Variants in COL5A2 observed in about 807,000 individuals in gnomAD.
COL5A2 encodes collagen type V alpha 2 chain.
COL5A2 carries 23 observed loss-of-function variants against 208.2 expected under a neutral mutation model. The observed-to-expected ratio is 0.11, with a 90% CI of 0.08 to 0.16. The LOEUF (loss-of-function observed/expected upper bound fraction) is 0.16. COL5A2 is among the 10% of genes least tolerant of loss of function. COL5A2 has a pLI of 1.00. For missense variants in COL5A2, 1,590 were observed against 1,956.4 expected (o/e 0.81, Z 3.53); for synonymous variants, 625 against 628.5 (o/e 0.99, Z 0.08).
the COL5A2 span, among the ~76,000 whole-genome samples, chr2:189,366,979 G>A: frequency 1.3e-5 from 2 of 152,142 alleles, no homozygotes; most frequent in Non-Finnish European, 2.9e-5. Context: ...AAGGCTGTAA[G>A]TGTTGGCAGA....
the COL5A2 span, among the ~76,000 whole-genome samples, chr2:189,415,275 A>G: frequency 6.3e-3 from 953 of 152,264 alleles, 11 homozygotes; most frequent in African/African-American, 0.021. Context: ...TAAATTTTCA[A>G]ATAGATAATT....
chr2:189,191,153 A>C (rs375141378), intron 1 of COL5A2, among the ~76,000 whole-genome samples: 8 of 53,380 alleles, frequency 1.5e-4, no homozygotes, highest in South Asian at 7.6e-4. Context: ...AAAAAAAAAC[A>C]AAAAACAAAC....
At chr2:189,084,170 G>A (rs1686599831) in intron 11 of COL5A2, 133 bp from the exon 12 acceptor site, 5 of 666,980 alleles carry the variant, frequency 7.5e-6, no homozygotes, top group Non-Finnish European at 1.3e-5. Context: ...TCTAAACAGT[G>A]CAAAAAATAA....
chr2:189,323,427 G>C, the COL5A2 span, among the ~76,000 whole-genome samples: 2 of 151,852 alleles, frequency 1.3e-5, no homozygotes, highest in Non-Finnish European at 2.9e-5. Flanking sequence ...AAACCCCATC[G>C]TCTCAGCCCA....
the COL5A2 span, among the ~76,000 whole-genome samples, chr2:189,245,177 T>C: frequency 6.6e-6 from 1 of 152,198 alleles, no homozygotes; most frequent in Admixed American, 6.5e-5. Context: ...GACAATAATG[T>C]TTCTTATAAT....
the COL5A2 span, among the ~76,000 whole-genome samples, chr2:189,294,394 C>T: frequency 3.3e-5 from 5 of 152,180 alleles, no homozygotes; most frequent in African/African-American, 1.2e-4. Flanking sequence ...GAAACAGTCA[C>T]ATCACATTTA....
At chr2:189,066,874 C>G in intron 21 of COL5A2, 92 bp from the exon 22 acceptor site, 1 of 1,007,138 alleles carries the variant, frequency 9.9e-7, no homozygotes, top group Non-Finnish European at 1.6e-6. Flanking sequence ...TTTAAAAATT[C>G]TCTCCAGCTG....
intron 1 of COL5A2, among the ~76,000 whole-genome samples, chr2:189,224,165 A>T (rs1689382224): frequency 1.1e-5 from 1 of 90,918 alleles, no homozygotes; most frequent in Non-Finnish European, 2.8e-5. Flanking sequence ...CTGGGGATAA[A>T]ATCTAAAAAA....
At chr2:189,319,806 G>A in the COL5A2 span, among the ~76,000 whole-genome samples, 2 of 152,210 alleles carry the variant, frequency 1.3e-5, no homozygotes, top group African/African-American at 2.4e-5. Context: ...TGACAGCCTT[G>A]AAGAGAGTAG....
At chr2:189,299,525 A>T in the COL5A2 span, among the ~76,000 whole-genome samples, 16 of 152,194 alleles carry the variant, frequency 1.1e-4, no homozygotes, top group African/African-American at 2.7e-4. Flanking sequence ...ATATTTTAAT[A>T]TTTTAAGAGT....
At chr2:189,313,856 C>A in the COL5A2 span, among the ~76,000 whole-genome samples, 26 of 152,254 alleles carry the variant, frequency 1.7e-4, no homozygotes, top group East Asian at 4.8e-3. Context: ...AAGGGCATTA[C>A]ATAATGGTAA....
At chr2:189,096,781 GT>G (rs910242131) in intron 6 of COL5A2, among the ~76,000 whole-genome samples, 1 of 152,078 alleles carries the variant, frequency 6.6e-6, no homozygotes, top group Admixed American at 6.6e-5. Context: ...TATTGTAAAG[GT>G]ATTTCACTTG....
intron 1 of COL5A2, among the ~76,000 whole-genome samples, chr2:189,130,809 T>C (rs2105752972): frequency 6.6e-6 from 1 of 152,118 alleles, no homozygotes; most frequent in South Asian, 2.1e-4. Context: ...AAAGCCCAAG[T>C]CACATCACAA....
the COL5A2 span, among the ~76,000 whole-genome samples, chr2:189,386,441 C>T: frequency 2.6e-5 from 4 of 152,032 alleles, no homozygotes; most frequent in African/African-American, 4.8e-5. Context: ...ATGACTAAGT[C>T]CCCAAAAGCA....
At chr2:189,176,726 C>T (rs1275932164) in intron 1 of COL5A2, among the ~76,000 whole-genome samples, 1 of 151,988 alleles carries the variant, frequency 6.6e-6, no homozygotes, top group Admixed American at 6.6e-5. Flanking sequence ...CACGCACACA[C>T]ACTCTTTAAA....
chr2:189,223,629 A>G (rs1689375823), intron 1 of COL5A2, among the ~76,000 whole-genome samples: 1 of 152,228 alleles, frequency 6.6e-6, no homozygotes, highest in Non-Finnish European at 1.5e-5. Flanking sequence ...TACAGCAATA[A>G]AAATGAATGA....
At chr2:189,194,636 T>A (rs1455482844) in intron 1 of COL5A2, among the ~76,000 whole-genome samples, 2 of 152,196 alleles carry the variant, frequency 1.3e-5, no homozygotes, top group Non-Finnish European at 2.9e-5. Flanking sequence ...TAAAATGTTA[T>A]AAATGAGAGT....
the COL5A2 span, among the ~76,000 whole-genome samples, chr2:189,394,050 C>T: frequency 6.6e-6 from 1 of 152,142 alleles, no homozygotes; most frequent in Non-Finnish European, 1.5e-5. Context: ...CTTGAGCATA[C>T]CTCCTAATCA....
chr2:189,440,755 T>C, the COL5A2 span, among the ~76,000 whole-genome samples: 2 of 152,196 alleles, frequency 1.3e-5, no homozygotes, highest in Admixed American at 6.5e-5. Flanking sequence ...ACAGATTCTA[T>C]TCACTAATGG....
Sources: allele counts gnomAD v4.1 joint callset (sites outside exome capture counted in the v4.1 genomes callset), GRCh38; gene constraint gnomAD v4.1.1; transcripts MANE v1.5; gene names NCBI Gene and HGNC (gene_info 2026-07-23, HGNC 2026-07-21).